The following CRACR2A variants were observed in gnomAD, a reference collection of about 807,000 sequenced individuals.
CRACR2A encodes the protein EF-hand calcium-binding domain-containing protein 4B.
CRACR2A carries 79 observed loss-of-function variants against 90.5 expected under a neutral mutation model. The ratio of observed to expected loss-of-function variants is 0.87; its 90% confidence interval spans 0.73 to 1.05. The LOEUF is 1.05. Ranked by LOEUF, CRACR2A falls within the 50% of genes least tolerant of loss-of-function variation. The probability of loss-of-function intolerance (pLI) is 0.00; values close to 1 mark genes in which losing one functional copy is unlikely to be tolerated. For missense variants in CRACR2A, 823 were observed against 897.2 expected, an observed-to-expected ratio of 0.92 and a Z score of 1.06; for synonymous variants, 338 against 356.7, an observed-to-expected ratio of 0.95 and a Z score of 0.59.
At chr12:3,657,389 G>C (rs188135718) in intron 8 of CRACR2A, among the ~76,000 whole-genome samples, 2 of 152,228 alleles carry the variant, frequency 1.3e-5, no homozygotes, top group African/African-American at 4.8e-5. Flanking sequence ...GGAGGACAGC[G>C]TGGGATGCTG....
chr12:3,736,780 G>A (rs1481165123), intron 1 of CRACR2A, among the ~76,000 whole-genome samples: 1 of 152,150 alleles, frequency 6.6e-6, no homozygotes, highest in East Asian at 1.9e-4. Flanking sequence ...AACGTTTAAC[G>A]AACTAGAGGC....
chr12:3,717,520 GC>G (rs1946099461), intron 2 of CRACR2A, among the ~76,000 whole-genome samples: 2 of 152,126 alleles, frequency 1.3e-5, no homozygotes, highest in South Asian at 4.1e-4. Flanking sequence ...TGCGATCCGG[GC>G]TAGGGTAAGC....
rs1193190806 is a variant in CRACR2A, at chr12:3,746,996, C to T, written c.-387+6019G>A. Among the ~76,000 whole-genome samples the T allele has an allele frequency of 6.6e-6, 1 of 152,228 alleles. No homozygotes were observed. The highest frequency in any genetic ancestry group is 2.4e-5 in the African/African-American group (1 of 41,470). On this transcript the variant is annotated intron_variant, in intron 1 of 19. Coordinates refer to ENST00000440314, the MANE Select transcript of CRACR2A (RefSeq NM_001144958.2). This position sits in a 1 kb window ranked among gnomAD's most constrained non-coding sequence, Gnocchi z 4.4. ...TCACCTGACATGGATCAACAGGTAA[C>T]TCCTGTATTCTCACTTGAATGAAGA...
rs149739964 is a variant in CRACR2A, at chr12:3,745,825, T to TAAAATAAAAGAAAG, written c.-387+7189_-387+7190insCTTTCTTTTATTTT. On this transcript the variant is annotated intron_variant, in intron 1 of 19. Coordinates refer to ENST00000440314, the MANE Select transcript of CRACR2A (RefSeq NM_001144958.2). ...TAAAATAAAATAAAATAAAATAAAA[T>TAAAATAAAAGAAAG]AAAGAAAGAAAAGAGAAGAGAAAAG... is the stretch of plus-strand genomic sequence containing the variant. Among the ~76,000 whole-genome samples, 501 of 100,534 alleles carry TAAAATAAAAGAAAG rather than the reference T, an allele frequency of 5.0e-3. 22 individuals carry two copies. Among genetic ancestry groups the TAAAATAAAAGAAAG allele is most frequent in the African/African-American group, 4.8e-3 (120 of 24,888 alleles). 66.0% of individuals were successfully genotyped at this position (100,534 alleles called of 152,430 possible).
chr12:3,642,451 G>A (rs1944592133), intron 12 of CRACR2A, among the ~76,000 whole-genome samples: 1 of 152,140 alleles, frequency 6.6e-6, no homozygotes. Flanking sequence ...TTGGCCTTAA[G>A]TGATCCTCCT....
At chr12:3,637,059 G>C (rs371195795) in intron 14 of CRACR2A, among the ~76,000 whole-genome samples, 1 of 152,202 alleles carries the variant, frequency 6.6e-6, no homozygotes, top group Non-Finnish European at 1.5e-5. Flanking sequence ...ACGAGGCAAA[G>C]AGCATCTATC....
chr12:3,704,639 T>C (rs1459164169), intron 3 of CRACR2A, among the ~76,000 whole-genome samples: 1 of 152,236 alleles, frequency 6.6e-6, no homozygotes, highest in Non-Finnish European at 1.5e-5. Context: ...GTCAGAACCT[T>C]CTTCTGTCTC....
intron 2 of CRACR2A, chr12:3,727,828 C>T (rs1305083299): frequency 1.3e-5 from 2 of 152,042 alleles, no homozygotes; most frequent in East Asian, 3.8e-4. Context: ...CAAACCTCGG[C>T]ATTATGCAAT....
At chr12:3,646,464 G>T (rs974256048) in intron 11 of CRACR2A, among the ~76,000 whole-genome samples, 1 of 152,222 alleles carries the variant, frequency 6.6e-6, no homozygotes, top group Non-Finnish European at 1.5e-5. Context: ...TATAGAAAGA[G>T]ATTTTAGGTG....
At chr12:3,666,340 T>TGTTTGTGTGTGTGC (rs1945141245) in intron 7 of CRACR2A, among the ~76,000 whole-genome samples, 1 of 135,168 alleles carries the variant, frequency 7.4e-6, no homozygotes, top group Non-Finnish European at 1.6e-5. Context: ...CGTGTGTGTG[T>TGTTTGTGTGTGTGC]GTGTGTGTGT....
Position 3,633,765 on chromosome 12 carries a change from G to T in CRACR2A, c.1603-29C>A, listed in dbSNP as rs1292598066. 2 of 1,551,198 alleles carry T rather than the reference G, an allele frequency of 1.3e-6. No individual in the cohort carries two copies. Among genetic ancestry groups the T allele is most frequent in the Admixed American group, 2.0e-5 (1 of 51,004 alleles). On this transcript the variant is annotated intron_variant, in intron 14 of 19. Transcript: ENST00000440314. The surrounding 1 kb of genome is among the most constrained non-coding windows in gnomAD (Gnocchi z 4.5). ...TGGATGGCACACAATCTGACCAACT[G>T]CAGGGAATAGTCTTGCCAGCCCCTG...
chr12:3,624,992 G>A (rs866549104), intron 17 of CRACR2A, among the ~76,000 whole-genome samples: 27 of 152,290 alleles, frequency 1.8e-4, no homozygotes, highest in Middle Eastern at 3.4e-3. Flanking sequence ...CTGGCCCCTG[G>A]CCTCTGTTCC....
intron 2 of CRACR2A, among the ~76,000 whole-genome samples, chr12:3,721,296 G>A (rs1302769968): frequency 1.3e-5 from 2 of 151,466 alleles, no homozygotes; most frequent in African/African-American, 4.9e-5. Flanking sequence ...CACTTTGGGA[G>A]GCTGAGGCAA....
At chr12:3,647,228 T>G (rs1055929047) in intron 11 of CRACR2A, among the ~76,000 whole-genome samples, 1 of 142,910 alleles carries the variant, frequency 7.0e-6, no homozygotes, top group African/African-American at 2.6e-5. Context: ...TCTCCCTTGA[T>G]TCCTGGTGGT....
intron 15 of CRACR2A, among the ~76,000 whole-genome samples, chr12:3,631,261 T>C (rs887824623): frequency 2.2e-4 from 34 of 152,196 alleles, no homozygotes; most frequent in Non-Finnish European, 4.9e-4. Flanking sequence ...TTTCCATAAT[T>C]GGCCTCCTGG....
At chr12:3,631,745 T>C (rs1199357333) in intron 15 of CRACR2A, among the ~76,000 whole-genome samples, 1 of 152,120 alleles carries the variant, frequency 6.6e-6, no homozygotes, top group East Asian at 1.9e-4. Context: ...GGCCCAGCAG[T>C]AAGGATGGGA....
At position 3,617,031 on chromosome 12, in the gene CRACR2A, C is replaced by T. The variant is rs1867699116; in HGVS notation, c.2035-1G>A. 3 of 1,550,610 alleles carry T rather than the reference C, an allele frequency of 1.9e-6. No homozygotes were observed. Among genetic ancestry groups the T allele is most frequent in the Non-Finnish European group, 2.6e-6 (3 of 1,146,090 alleles). On this transcript the variant is annotated splice_acceptor_variant, in intron 18 of 19. Coordinates refer to ENST00000440314, the MANE Select transcript of CRACR2A (RefSeq NM_001144958.2). LOFTEE classifies it high-confidence loss of function. ...ATTCATAGAAGATCAGATTGTTCTCCTAGAATCATAAAACAGAGCGAATAC... is the reference window on the plus strand; with the variant it reads ...ATTCATAGAAGATCAGATTGTTCTCTTAGAATCATAAAACAGAGCGAATAC...
intron 17 of CRACR2A, among the ~76,000 whole-genome samples, chr12:3,620,852 C>T (rs778160253): frequency 6.6e-6 from 1 of 152,226 alleles, no homozygotes; most frequent in Non-Finnish European, 1.5e-5. Flanking sequence ...ATTCTGGACA[C>T]TGCAGTTGAT....
At chr12:3,697,925 G>A (rs1301071312) in intron 3 of CRACR2A, among the ~76,000 whole-genome samples, 1 of 152,120 alleles carries the variant, frequency 6.6e-6, no homozygotes, top group Non-Finnish European at 1.5e-5. Context: ...AATGTGATGT[G>A]GAAGAGGGCA....
Sources: allele counts gnomAD v4.1 joint callset (sites outside exome capture counted in the v4.1 genomes callset), GRCh38; gene constraint gnomAD v4.1.1; non-coding constraint Gnocchi (gnomAD v3.1); transcripts MANE v1.5; gene names NCBI Gene and HGNC (gene_info 2026-07-23, HGNC 2026-07-21).